ATP10A: variants seen among roughly 807,000 people sequenced by gnomAD.
ATP10A encodes the protein ATPase phospholipid transporting 10A (putative).
In ATP10A, 111 loss-of-function variants were observed where a neutral mutation model predicts 147.8. That is an observed-to-expected ratio of 0.75 (90% CI 0.64 to 0.88). The LOEUF (loss-of-function observed/expected upper bound fraction) is 0.88. ATP10A is among the 40% of genes least tolerant of loss of function. The pLI is 0.00. For missense variants in ATP10A, 1,927 were observed against 1,959.0 expected (o/e 0.98, Z 0.31); for synonymous variants, 875 against 841.6 (o/e 1.04, Z -0.69).
intron 10 of ATP10A, among the ~76,000 whole-genome samples, chr15:25,713,254 G>A (rs1271664628): frequency 6.6e-6 from 1 of 152,190 alleles, no homozygotes; most frequent in African/African-American, 2.4e-5. Context: ...GGCAGTGGGG[G>A]AGGCCAGCAT....
rs1262405617 is a variant in ATP10A, at chr15:25,713,967, T to C, written c.2051A>G (p.Glu684Gly). Residue 684 changes from glutamate to glycine, a missense_variant, in exon 10 of 21, where the codon GAG (glutamate) becomes GGG (glycine). By Grantham distance (98) the Glu-to-Gly change is moderately conservative. Coordinates refer to ENST00000555815, the MANE Select transcript of ATP10A (RefSeq NM_024490.4). ...ADNWASELAQEQESERELRYE... is the reference protein window; with the variant it reads ...ADNWASELAQGQESERELRYE... The stretch of plus-strand genomic sequence containing the variant: ...CCGCAGCTCGCGCTCTGACTCCTGC[T>C]CCTGAGCAAGCTCCGAGGCCCAGTT... 2 of 1,610,030 alleles carry C rather than the reference T, an allele frequency of 1.2e-6. No homozygotes were observed. The highest frequency in any genetic ancestry group is 1.7e-5 in the Admixed American group (1 of 59,992).
At chr15:25,745,386 A>C (rs1164053132) in intron 2 of ATP10A, among the ~76,000 whole-genome samples, 6 of 151,966 alleles carry the variant, frequency 3.9e-5, no homozygotes, top group Non-Finnish European at 8.8e-5. Context: ...AAAACTTGTT[A>C]CTGGCACACA....
At chr15:25,795,772 G>A (rs112383769) in intron 1 of ATP10A, among the ~76,000 whole-genome samples, 332 of 152,294 alleles carry the variant, frequency 2.2e-3, no homozygotes, top group Non-Finnish European at 3.8e-3. Flanking sequence ...CTCTGCTGAA[G>A]ACCGATCCCC....
intron 1 of ATP10A, among the ~76,000 whole-genome samples, chr15:25,839,384 G>A (rs1169438796): frequency 6.6e-6 from 1 of 152,130 alleles, no homozygotes; most frequent in African/African-American, 2.4e-5. Flanking sequence ...TCTCCTTAGA[G>A]GCCAGGTCTG....
chr15:25,741,050 A>T (rs1340769384), intron 2 of ATP10A, among the ~76,000 whole-genome samples: 2 of 152,138 alleles, frequency 1.3e-5, no homozygotes, highest in Admixed American at 1.3e-4. Flanking sequence ...AGCCTTCCTG[A>T]CGGCCCCCTG....
intron 6 of ATP10A, 37 bp from the exon 7 acceptor site, chr15:25,721,946 A>G: frequency 6.3e-7 from 1 of 1,585,068 alleles, no homozygotes; most frequent in Non-Finnish European, 8.6e-7. Context: ...AATGACCGTG[A>G]GGACCAGGGA....
chr15:25,824,495 A>G, intron 1 of ATP10A, among the ~76,000 whole-genome samples: 1 of 150,752 alleles, frequency 6.6e-6, no homozygotes. Context: ...AATAGAAAAA[A>G]GAAAAAACAT....
Position 25,721,923 on chromosome 15 carries a change from G to T in ATP10A, c.1111-14C>A. ...TGGGATCAAAACCTGGAAGAGACAA[G>T]GCACACAGGATGAATGACCGTGAGG... is the stretch of plus-strand genomic sequence containing the variant. On this transcript the variant is annotated splice_polypyrimidine_tract_variant and intron_variant, in intron 6 of 20. Coordinates refer to ENST00000555815, the MANE Select transcript of ATP10A (RefSeq NM_024490.4). The T allele has an allele frequency of 6.2e-7, 1 of 1,608,898 alleles. No individual in the cohort carries two copies. Among genetic ancestry groups the T allele is most frequent in the South Asian group, 1.1e-5 (1 of 90,926 alleles).
intron 7 of ATP10A, among the ~76,000 whole-genome samples, chr15:25,721,344 G>C (rs1902207249): frequency 6.6e-6 from 1 of 152,222 alleles, no homozygotes; most frequent in South Asian, 2.1e-4. Flanking sequence ...AGAGCAAGGG[G>C]ACCGGATGCC....
At chr15:25,851,815 AGTAT>A (rs1157480246) in intron 1 of ATP10A, among the ~76,000 whole-genome samples, 2 of 152,174 alleles carry the variant, frequency 1.3e-5, no homozygotes, top group African/African-American at 4.8e-5. Context: ...GTGCGGTCTC[AGTAT>A]TTTGGGAGCT....
intron 1 of ATP10A, among the ~76,000 whole-genome samples, chr15:25,821,231 C>T (rs1355434890): frequency 6.6e-6 from 1 of 151,870 alleles, no homozygotes; most frequent in East Asian, 1.9e-4. Context: ...TAGACCCCTA[C>T]AAAAAAAGTT....
At chr15:25,768,306 G>A (rs1449286553) in intron 2 of ATP10A, among the ~76,000 whole-genome samples, 3 of 152,188 alleles carry the variant, frequency 2.0e-5, no homozygotes, top group Non-Finnish European at 4.4e-5. Flanking sequence ...CATTACTGTG[G>A]ACTTTCTGTG....
chr15:25,813,880 G>C (rs1361928121), intron 1 of ATP10A, among the ~76,000 whole-genome samples: 1 of 151,802 alleles, frequency 6.6e-6, no homozygotes. Context: ...GAAATGAAAA[G>C]TACATCAGTA....
In ATP10A at chr15:25,694,871, G is replaced by A; in HGVS notation, c.3036C>T (p.Ser1012=). 6.2e-7 allele frequency: 1 copy of A among 1,614,136 alleles called. No homozygotes were observed. Among genetic ancestry groups the A allele is most frequent in the Non-Finnish European group, 8.5e-7 (1 of 1,180,024 alleles). ...LCCRSTPLQK[S]MVVKLVRSKL... ...TGCTCCGCACCAGCTTCACCACCAT[G>A]CTCTTCTGCAGAGGCGTCGACCGAC... is the stretch of plus-strand genomic sequence containing the variant. The change falls in exon 14 of 21, where the codon AGC becomes AGT. Residue 1012 remains serine (S), a synonymous_variant. Transcript: ENST00000555815.
chr15:25,748,478 C>T (rs576931044), intron 2 of ATP10A, among the ~76,000 whole-genome samples: 3 of 152,004 alleles, frequency 2.0e-5, no homozygotes, highest in South Asian at 2.1e-4. Flanking sequence ...TAGCAGGCTA[C>T]GAATAAAAGA....
intron 1 of ATP10A, among the ~76,000 whole-genome samples, chr15:25,794,274 C>T (rs533052313): frequency 6.6e-6 from 1 of 152,224 alleles, no homozygotes; most frequent in Admixed American, 6.5e-5. Flanking sequence ...CAGTCCCTTA[C>T]TAACATCACC....
chr15:25,743,193 T>A (rs1887663429), intron 2 of ATP10A, among the ~76,000 whole-genome samples: 1 of 152,108 alleles, frequency 6.6e-6, no homozygotes, highest in African/African-American at 2.4e-5. Context: ...AGAGGCCAAC[T>A]GGGATGGAGA....
At chr15:25,786,745 C>G (rs952695368) in intron 1 of ATP10A, among the ~76,000 whole-genome samples, 1 of 148,166 alleles carries the variant, frequency 6.7e-6, no homozygotes, top group African/African-American at 2.5e-5. Context: ...CCTGCCTCAG[C>G]CTTCCGAGTA....
At chr15:25,707,373 G>A (rs767155316) in intron 12 of ATP10A, among the ~76,000 whole-genome samples, 2 of 151,908 alleles carry the variant, frequency 1.3e-5, no homozygotes, top group Non-Finnish European at 2.9e-5. Context: ...GCTCTTCAAG[G>A]ACACACAGAG....
Sources: allele counts gnomAD v4.1 joint callset (sites outside exome capture counted in the v4.1 genomes callset), GRCh38; gene constraint gnomAD v4.1.1; transcripts MANE v1.5; gene names NCBI Gene and HGNC (gene_info 2026-07-23, HGNC 2026-07-21).